The following KIF1B variants were observed in gnomAD, a reference collection of about 807,000 sequenced individuals.
The protein encoded by KIF1B is kinesin family member 1B, also known as kinesin-like protein KIF1B.
KIF1B carries 76 observed loss-of-function variants against 241.9 expected under a neutral mutation model. That is an observed-to-expected ratio of 0.31 (90% CI 0.26 to 0.38). KIF1B has a LOEUF of 0.38. Among genes scored for constraint, KIF1B ranks in the 10% least tolerant of loss-of-function variants. The pLI, the probability that KIF1B is intolerant of heterozygous loss-of-function variation, is 1.00. For missense variants in KIF1B, 1,622 were observed against 2,271.4 expected (o/e 0.71, Z 5.81); for synonymous variants, 750 against 796.7 (o/e 0.94, Z 0.99).
At chr1:10,261,035 C>T (rs1190767645) in intron 4 of KIF1B, among the ~76,000 whole-genome samples, 1 of 151,386 alleles carries the variant, frequency 6.6e-6, no homozygotes, top group African/African-American at 2.4e-5. Flanking sequence ...GGCGCCCTAT[C>T]AGCTCACTGC....
intron 15 of KIF1B, among the ~76,000 whole-genome samples, chr1:10,284,421 C>A (rs916333928): frequency 6.6e-6 from 1 of 152,164 alleles, no homozygotes; most frequent in African/African-American, 2.4e-5. Context: ...CTTAGTGGCT[C>A]ATGCCTGTAA....
At chr1:10,357,440 C>T (rs1258620619) in intron 38 of KIF1B, among the ~76,000 whole-genome samples, 1 of 152,190 alleles carries the variant, frequency 6.6e-6, no homozygotes, top group East Asian at 1.9e-4. Flanking sequence ...TTTCTTACAA[C>T]CACCTCTCAA....
chr1:10,359,638 T>C (rs1471158415), intron 38 of KIF1B, among the ~76,000 whole-genome samples: 1 of 152,220 alleles, frequency 6.6e-6, no homozygotes, highest in Non-Finnish European at 1.5e-5. Context: ...AAATGGCTTT[T>C]TTTTTTAAGC....
chr1:10,240,508 T>G (rs962633072), intron 2 of KIF1B, among the ~76,000 whole-genome samples: 1 of 152,104 alleles, frequency 6.6e-6, no homozygotes, highest in Non-Finnish European at 1.5e-5. Flanking sequence ...ACACCCGGCC[T>G]GAACCATTTT....
At position 10,354,648 on chromosome 1, in the gene KIF1B, GATAATA is replaced by G. The variant is rs539776829; in HGVS notation, c.4055+1920_4055+1925del. 4.5e-4 allele frequency among the ~76,000 whole-genome samples: 68 copies of G among 152,242 alleles called. No homozygotes were observed. In the South Asian group the frequency reaches 7.7e-3, roughly 17 times the overall value. ...ATTTGCCTAATGTTTAATGAAGTTA[GATAATA>G]ATAATAAGTACAACTGGCATAAACA... On this transcript the variant is annotated intron_variant, in intron 38 of 48. Coordinates refer to ENST00000676179, the MANE Select transcript of KIF1B (RefSeq NM_001365951.3).
intron 32 of KIF1B, 73 bp from the exon 33 acceptor site, chr1:10,341,977 A>C: frequency 9.8e-7 from 1 of 1,021,526 alleles, no homozygotes; most frequent in Non-Finnish European, 1.5e-6. Context: ...AACCCAAAAT[A>C]CGTACTAAAG....
At chr1:10,261,689 T>C (rs1402813727) in intron 4 of KIF1B, among the ~76,000 whole-genome samples, 1 of 152,206 alleles carries the variant, frequency 6.6e-6, no homozygotes, top group African/African-American at 2.4e-5. Context: ...CTTATGGGGA[T>C]CACTATCATA....
At position 10,273,014 on chromosome 1, in the gene KIF1B, G is replaced by A; in HGVS notation, c.865G>A (p.Asp289Asn). The A allele has an allele frequency of 1.3e-6, 2 of 1,546,306 alleles. No individual in the cohort carries two copies. Among genetic ancestry groups the A allele is most frequent in the Non-Finnish European group, 1.7e-6 (2 of 1,143,464 alleles). Reference sequence around the variant, plus strand: ...CTCCTTTAAATGCTTTCACCTGTAGGATAACTGCACTAGCAAGGTACAGTG... The same window carrying A: ...CTCCTTTAAATGCTTTCACCTGTAGAATAACTGCACTAGCAAGGTACAGTG... ...GKVISALAEV[D>N]NCTSKSKKKK... Residue 289 changes from aspartate (D) to asparagine (N), a missense_variant and splice_region_variant, in exon 10 of 49, where the codon GAT (aspartate) becomes AAT (asparagine). By Grantham distance (23) the Asp-to-Asn change is conservative (BLOSUM62 1). Transcript: ENST00000676179.
rs1638311342 is a variant in KIF1B, at chr1:10,358,153, AAG to A, written c.4056-2774_4056-2773del. Among the ~76,000 whole-genome samples, 4 of 152,006 alleles carry A rather than the reference AAG, an allele frequency of 2.6e-5. No individual in the cohort carries two copies. The South Asian group carries it at 8.3e-4, about 31-fold the overall frequency. ...TTTTTTTGACAAAAGAAAAAAATGA[AAG>A]AAAAATTTTTCCCTCAATACAGGAA... On this transcript the variant is annotated intron_variant, in intron 38 of 48. Coordinates refer to ENST00000676179, the MANE Select transcript of KIF1B (RefSeq NM_001365951.3).
intron 22 of KIF1B, chr1:10,304,750 A>G: frequency 6.5e-7 from 1 of 1,544,702 alleles, no homozygotes; most frequent in Non-Finnish European, 8.7e-7. Context: ...TATTATTTAC[A>G]TTATAAATAT....
Position 10,304,989 on chromosome 1 carries a change from G to A in KIF1B, c.2115+7743G>A. 6 of 1,125,502 alleles carry A rather than the reference G, an allele frequency of 5.3e-6. No individual in the cohort carries two copies. The South Asian group carries it at 1.6e-4, about 29-fold the overall frequency. 69.7% of individuals were successfully genotyped at this position (1,125,502 alleles called of 1,614,324 possible). A position where few individuals can be genotyped will look rare whatever the true frequency, so the allele number is the denominator to read the frequency against. On this transcript the variant is annotated intron_variant, in intron 22 of 48. Transcript: ENST00000676179. ...TTTTATAATGCCTATAAATTAATCTGACATCCAGAAAGACCTGCCTCTTAG... is the reference window on the plus strand; with the variant it reads ...TTTTATAATGCCTATAAATTAATCTAACATCCAGAAAGACCTGCCTCTTAG...
At chr1:10,314,107 G>A (rs1421933740) in intron 22 of KIF1B, among the ~76,000 whole-genome samples, 1 of 150,848 alleles carries the variant, frequency 6.6e-6, no homozygotes, top group Non-Finnish European at 1.5e-5. Context: ...AGCCAGGCTG[G>A]TCTCGAACTC....
chr1:10,329,531 G>A (rs779681541), intron 27 of KIF1B, among the ~76,000 whole-genome samples: 9 of 152,084 alleles, frequency 5.9e-5, no homozygotes, highest in East Asian at 1.9e-4. Context: ...TCAAGAGTTC[G>A]AAACCAGCCT....
Position 10,282,406 on chromosome 1 carries a change from T to C in KIF1B, c.1307T>C (p.Met436Thr), listed in dbSNP as rs765001553. 1.9e-6 allele frequency: 3 copies of C among 1,614,190 alleles called. No homozygotes were observed. Among genetic ancestry groups the C allele is most frequent in the Non-Finnish European group, 2.5e-6 (3 of 1,180,024 alleles). ...CCTGGCCATTTTTCCACAGCATCCA[T>C]GGGGTCCCTCACTTCATCCCCATCT... ...QRPGHFSTASMGSLTSSPSSC... is the reference protein window; with the variant it reads ...QRPGHFSTASTGSLTSSPSSC... The change falls in exon 15 of 49, where the codon ATG becomes ACG. Residue 436 changes from methionine (M) to threonine (T), a missense_variant. Coordinates refer to ENST00000676179, the MANE Select transcript of KIF1B (RefSeq NM_001365951.3).
chr1:10,214,642 G>A (rs955135412), intron 1 of KIF1B, among the ~76,000 whole-genome samples: 1 of 149,464 alleles, frequency 6.7e-6, no homozygotes, highest in African/African-American at 2.5e-5. Flanking sequence ...GAGTGTAGTG[G>A]TGTGATCTTG....
intron 44 of KIF1B, among the ~76,000 whole-genome samples, chr1:10,370,643 A>AAATAAT (rs200343928): frequency 0.058 from 8,522 of 147,892 alleles, 678 homozygotes; most frequent in African/African-American, 0.18. Context: ...TCGAGAAAGA[A>AAATAAT]AATAATAATA....
At chr1:10,311,378 T>C (rs1385149601) in intron 22 of KIF1B, among the ~76,000 whole-genome samples, 1 of 151,076 alleles carries the variant, frequency 6.6e-6, no homozygotes, top group Non-Finnish European at 1.5e-5. Flanking sequence ...CGAGCTAATT[T>C]TTGTATTTTT....
intron 38 of KIF1B, among the ~76,000 whole-genome samples, chr1:10,356,865 A>C (rs1037989650): frequency 6.6e-6 from 1 of 151,722 alleles, no homozygotes; most frequent in Non-Finnish European, 1.5e-5. Flanking sequence ...GTGCCACTAC[A>C]CTCCAGCCTG....
At chr1:10,296,786 A>C in intron 20 of KIF1B, 111 bp from the exon 21 acceptor site, 1 of 1,395,598 alleles carries the variant, frequency 7.2e-7, no homozygotes, top group Non-Finnish European at 1.0e-6. Flanking sequence ...TTCTTGTAAA[A>C]ACAACAGCTC....
Sources: allele counts gnomAD v4.1 joint callset (sites outside exome capture counted in the v4.1 genomes callset), GRCh38; gene constraint gnomAD v4.1.1; transcripts MANE v1.5; gene names NCBI Gene and HGNC (gene_info 2026-07-23, HGNC 2026-07-21).